Variants in ZNF184 observed in about 807,000 individuals in gnomAD.
The protein encoded by ZNF184 is zinc finger protein 184, also known as zinc finger protein 184 (Kruppel-like).
A neutral mutation model predicts 54.4 loss-of-function variants in ZNF184; 16 were observed. The ratio of observed to expected loss-of-function variants is 0.29; its 90% CI spans 0.20 to 0.45. The LOEUF is 0.45. ZNF184 is among the 20% of genes least tolerant of loss of function. The probability of loss-of-function intolerance (pLI) is 1.00; values close to 1 mark genes in which losing one functional copy is unlikely to be tolerated. For synonymous variants in ZNF184, 254 were observed against 295.3 expected (o/e 0.86, Z 1.43); for missense variants, 681 against 888.2 (o/e 0.77, Z 2.97).
chr6:27,449,836 T>C (rs1320249770), downstream of ZNF184, among the ~76,000 whole-genome samples: 1 of 152,130 alleles, frequency 6.6e-6, no homozygotes, highest in Non-Finnish European at 1.5e-5. Context: ...GGTATTATAC[T>C]AGATGTTTAT....
chr6:27,460,280 C>CT (rs1036277220), intron 3 of ZNF184, among the ~76,000 whole-genome samples: 7 of 152,218 alleles, frequency 4.6e-5, no homozygotes, highest in African/African-American at 1.4e-4. Context: ...CAACTTCCTG[C>CT]TTTTTTTATT....
chr6:27,431,987 T>C, the ZNF184 span, among the ~76,000 whole-genome samples: 1 of 152,124 alleles, frequency 6.6e-6, no homozygotes, highest in Non-Finnish European at 1.5e-5. Context: ...GAAAATGTAT[T>C]GAGAGAAAGC....
chr6:27,434,427 T>C, the ZNF184 span, among the ~76,000 whole-genome samples: 33 of 152,356 alleles, frequency 2.2e-4, no homozygotes, highest in Non-Finnish European at 4.0e-4. Flanking sequence ...AATGGCTACT[T>C]ATATTGAGCA....
At chr6:27,424,147 G>T in the ZNF184 span, among the ~76,000 whole-genome samples, 2 of 152,196 alleles carry the variant, frequency 1.3e-5, no homozygotes, top group African/African-American at 2.4e-5. Flanking sequence ...GCTCAGAAGT[G>T]AAGCTGCAGA....
the ZNF184 span, among the ~76,000 whole-genome samples, chr6:27,434,387 C>T: frequency 6.6e-6 from 1 of 151,930 alleles, no homozygotes; most frequent in Non-Finnish European, 1.5e-5. Flanking sequence ...TAAAGTGGTA[C>T]CTTGTTGTGG....
chr6:27,451,190 A>C lies in ZNF184; in HGVS notation c.*113T>G. On this transcript the variant is annotated 3_prime_UTR_variant, in exon 6 of 6. Coordinates refer to ENST00000683788, the MANE Select transcript of ZNF184 (RefSeq NM_001318891.2). ...CTTTCCATTCCATAACATGATAGTGAAAATTTAAAAGATTTCAAGGCAGTT... is the reference window on the plus strand; with the variant it reads ...CTTTCCATTCCATAACATGATAGTGCAAATTTAAAAGATTTCAAGGCAGTT... 1 of 1,308,458 alleles carries C rather than the reference A, an allele frequency of 7.6e-7. No individual in the cohort carries two copies. The highest frequency in any genetic ancestry group is 1.0e-6 in the Non-Finnish European group (1 of 963,066). 81.1% of individuals were successfully genotyped at this position (1,308,458 alleles called of 1,614,324 possible). A position where few individuals can be genotyped will look rare whatever the true frequency, so the allele number is the denominator to read the frequency against.
intron 5 of ZNF184, among the ~76,000 whole-genome samples, chr6:27,456,612 T>G (rs529684345): frequency 6.6e-6 from 1 of 152,038 alleles, no homozygotes; most frequent in African/African-American, 2.4e-5. Flanking sequence ...AGGAAGGACA[T>G]CTCCTCAAAA....
chr6:27,460,783 G>A (rs752074967), intron 3 of ZNF184, among the ~76,000 whole-genome samples: 4 of 152,082 alleles, frequency 2.6e-5, no homozygotes, highest in Non-Finnish European at 5.9e-5. Context: ...GTGCACAGTC[G>A]GCCCCCACAA....
the ZNF184 span, among the ~76,000 whole-genome samples, chr6:27,422,148 A>AGAAAAGAAAG: frequency 2.3e-5 from 1 of 43,456 alleles, no homozygotes; most frequent in Non-Finnish European, 4.3e-5. Context: ...CTCAAAAAAA[A>AGAAAAGAAAG]AAAGAAAGAA....
In ZNF184 at chr6:27,472,513, A is replaced by AAGC. The variant is rs1763303628; in HGVS notation, c.-139-81_-139-80insGCT. 2 of 576,498 alleles carry AAGC rather than the reference A, an allele frequency of 3.5e-6. No homozygotes were observed. The highest frequency in any genetic ancestry group is 3.7e-5 in the African/African-American group (2 of 53,640). The allele number at this position is 576,498 out of a possible 1,614,324, so 35.7% of individuals were successfully genotyped here. On this transcript the variant is annotated intron_variant, in intron 1 of 5. Coordinates refer to ENST00000683788, the MANE Select transcript of ZNF184 (RefSeq NM_001318891.2). The surrounding 1 kb of genome is among the most constrained non-coding windows in gnomAD (Gnocchi z 4.8). ...TCTTGCAAAGTGACCAAGAGGTGCT[A>AAGC]CACAAGAGAAGTGCCCCAAGAGAGC...
rs1279671877 is a variant in ZNF184, at chr6:27,456,811, G to A, written c.298+15C>T. 1.9e-6 allele frequency: 3 copies of A among 1,606,782 alleles called. No individual in the cohort carries two copies. The highest frequency in any genetic ancestry group is 2.2e-5 in the East Asian group (1 of 44,848). On this transcript the variant is annotated intron_variant, in intron 5 of 5. Coordinates refer to ENST00000683788, the MANE Select transcript of ZNF184 (RefSeq NM_001318891.2). ...CGGAGTTAATGATATTCATCTGCTG[G>A]CATCCATGACTTACCTGCACAGGTA...
At chr6:27,432,308 G>A in the ZNF184 span, among the ~76,000 whole-genome samples, 1 of 152,188 alleles carries the variant, frequency 6.6e-6, no homozygotes, top group Non-Finnish European at 1.5e-5. The surrounding 1 kb of genome is among the most constrained non-coding windows in gnomAD (Gnocchi z 4.0). Context: ...AAGTGTGAAG[G>A]ACAGAGGGCC....
At chr6:27,422,991 C>T in the ZNF184 span, among the ~76,000 whole-genome samples, 1 of 152,230 alleles carries the variant, frequency 6.6e-6, no homozygotes, top group South Asian at 2.1e-4. Flanking sequence ...AGACTCAGGT[C>T]CCTTCTCCCA....
At chr6:27,454,852 T>C (rs1425420664) in intron 5 of ZNF184, among the ~76,000 whole-genome samples, 1 of 152,210 alleles carries the variant, frequency 6.6e-6, no homozygotes, top group African/African-American at 2.4e-5. Context: ...GACTATACTA[T>C]TCTGATGTCC....
chr6:27,424,352 G>A, the ZNF184 span, among the ~76,000 whole-genome samples: 61 of 152,162 alleles, frequency 4.0e-4, no homozygotes, highest in African/African-American at 1.1e-3. Context: ...GCTTCCACAG[G>A]GTACAAGGAA....
intron 3 of ZNF184, among the ~76,000 whole-genome samples, chr6:27,460,102 G>A (rs1004762080): frequency 3.0e-4 from 45 of 152,130 alleles, no homozygotes; most frequent in African/African-American, 1.0e-3. Flanking sequence ...AGAAGTTCGA[G>A]GTTGCAGTGA....
the ZNF184 span, among the ~76,000 whole-genome samples, chr6:27,425,146 C>G: frequency 6.6e-6 from 1 of 152,214 alleles, no homozygotes; most frequent in African/African-American, 2.4e-5. Context: ...AGCCCACGCC[C>G]TCCCGGAACT....
rs1489691004 is a variant in ZNF184 at position 27,457,285 on chromosome 6, A to G, written c.200T>C (p.Ile67Thr). The change falls in exon 4 of 6, where the codon ATA becomes ACA. Residue 67 changes from isoleucine to threonine, a missense_variant and splice_region_variant. Ile to Thr is a moderately conservative substitution (Grantham distance 89, BLOSUM62 -1). Coordinates refer to ENST00000683788, the MANE Select transcript of ZNF184 (RefSeq NM_001318891.2). Reference sequence around the variant, plus strand: ...TAACTCAGAGAAATTATCCTTACCTATAGAGACCAGGTGTGTATAATTTTC... The same window carrying G: ...TAACTCAGAGAAATTATCCTTACCTGTAGAGACCAGGTGTGTATAATTTTC... ...TLENYTHLVS[I>T]GLQVSKPDVI... 3.1e-6 allele frequency: 5 copies of G among 1,613,930 alleles called. No homozygotes were observed. The highest frequency in any genetic ancestry group is 1.6e-4 in the Middle Eastern group (1 of 6,062).
At chr6:27,423,656 C>CAA in the ZNF184 span, among the ~76,000 whole-genome samples, 1 of 140,032 alleles carries the variant, frequency 7.1e-6, no homozygotes, top group Non-Finnish European at 1.6e-5. Context: ...AAAAACAAAA[C>CAA]ACCGCTCAGA....
Sources: gnomAD v4.1 joint callset for allele counts (sites outside exome capture counted in the v4.1 genomes callset) on GRCh38, gnomAD v4.1.1 for gene constraint, Gnocchi (gnomAD v3.1) non-coding constraint, MANE v1.5 for transcripts, NCBI Gene and HGNC (gene_info 2026-07-23, HGNC 2026-07-21) for gene names.